The following DTWD2 variants were observed in gnomAD, a reference collection of about 807,000 sequenced individuals.
DTWD2 encodes DTW motif tRNA-uridine aminocarboxypropyltransferase 2.
Under a neutral mutation model 31.8 loss-of-function variants are expected in DTWD2, and 39 were observed. The ratio of observed to expected loss-of-function variants is 1.22; its 90% confidence interval spans 0.95 to 1.60. The LOEUF is 1.60. Ranked by LOEUF, DTWD2 falls within the 40% of genes most tolerant of loss-of-function variation. DTWD2 has a pLI of 0.00. For synonymous variants in DTWD2, 180 were observed against 142.8 expected, an observed-to-expected ratio of 1.26 and a Z score of -1.86; for missense variants, 515 against 381.5, an observed-to-expected ratio of 1.35 and a Z score of -2.92.
intron 4 of DTWD2, among the ~76,000 whole-genome samples, chr5:118,864,430 T>C (rs1270291029): frequency 6.6e-6 from 1 of 150,832 alleles, no homozygotes; most frequent in Non-Finnish European, 1.5e-5. Context: ...TACCTAATGC[T>C]AAATGACGAG....
At chr5:118,986,516 T>G (rs1295117679) in intron 1 of DTWD2, among the ~76,000 whole-genome samples, 1 of 152,190 alleles carries the variant, frequency 6.6e-6, no homozygotes, top group Non-Finnish European at 1.5e-5. Context: ...GAATACAGTT[T>G]AAGTAAATAG....
chr5:118,965,728 C>T (rs1237087794), intron 1 of DTWD2, among the ~76,000 whole-genome samples: 2 of 151,996 alleles, frequency 1.3e-5, no homozygotes, highest in Admixed American at 6.6e-5. Context: ...TAAACAGATG[C>T]CTGAAGGCAG....
chr5:118,869,477 C>T (rs908262446), intron 4 of DTWD2, among the ~76,000 whole-genome samples: 3 of 152,104 alleles, frequency 2.0e-5, no homozygotes, highest in African/African-American at 7.2e-5. Flanking sequence ...ACCACCCATA[C>T]CCATACTAAA....
At chr5:118,885,788 T>A (rs150143087) in intron 4 of DTWD2, among the ~76,000 whole-genome samples, 5 of 150,214 alleles carry the variant, frequency 3.3e-5, no homozygotes, top group African/African-American at 1.2e-4. Context: ...ATAAAAATAA[T>A]AAAAAATAAA....
intron 1 of DTWD2, among the ~76,000 whole-genome samples, chr5:118,957,972 A>G (rs561445280): frequency 6.6e-5 from 10 of 152,330 alleles, no homozygotes; most frequent in Admixed American, 3.9e-4. Context: ...CTAATATACA[A>G]TAAGTGTGTG....
intron 2 of DTWD2, among the ~76,000 whole-genome samples, chr5:118,941,392 G>C (rs1754196629): frequency 6.6e-6 from 1 of 152,110 alleles, no homozygotes; most frequent in South Asian, 2.1e-4. Context: ...TGTTCTCATT[G>C]TTCAATTCCC....
At chr5:118,939,972 T>A (rs1456328320) in intron 2 of DTWD2, among the ~76,000 whole-genome samples, 2 of 152,162 alleles carry the variant, frequency 1.3e-5, no homozygotes, top group African/African-American at 4.8e-5. Context: ...TACAAAAGAA[T>A]TCCAAATAAT....
At chr5:118,846,045 AT>A (rs1751845563) in intron 5 of DTWD2, among the ~76,000 whole-genome samples, 1 of 152,104 alleles carries the variant, frequency 6.6e-6, no homozygotes, top group Non-Finnish European at 1.5e-5. Flanking sequence ...ATGTTATATC[AT>A]TTTTTCAAAA....
intron 4 of DTWD2, among the ~76,000 whole-genome samples, chr5:118,918,839 A>G (rs555201053): frequency 3.3e-5 from 5 of 152,128 alleles, no homozygotes; most frequent in Admixed American, 6.5e-5. Context: ...AAAAAAAAAA[A>G]AAAAGAAAAG....
intron 4 of DTWD2, among the ~76,000 whole-genome samples, chr5:118,870,384 T>C (rs1752476053): frequency 6.6e-6 from 1 of 152,174 alleles, no homozygotes; most frequent in Non-Finnish European, 1.5e-5. Flanking sequence ...GATTGGTTGG[T>C]TATTTCTTTG....
At chr5:118,891,557 ATGT>A (rs1320075006) in intron 4 of DTWD2, among the ~76,000 whole-genome samples, 2 of 152,202 alleles carry the variant, frequency 1.3e-5, no homozygotes, top group Non-Finnish European at 2.9e-5. Flanking sequence ...TCTCTGAATA[ATGT>A]ACTCCTCTGA....
intron 4 of DTWD2, among the ~76,000 whole-genome samples, chr5:118,892,818 A>AT (rs1375122694): frequency 2.0e-5 from 3 of 152,260 alleles, no homozygotes; most frequent in African/African-American, 7.2e-5. Flanking sequence ...ATGAAACAAC[A>AT]TATGTACAAA....
intron 4 of DTWD2, among the ~76,000 whole-genome samples, chr5:118,921,908 T>C (rs1753714324): frequency 6.6e-6 from 1 of 152,232 alleles, no homozygotes; most frequent in South Asian, 2.1e-4. Flanking sequence ...AACAGCTCTA[T>C]GTGGACACAA....
Position 118,848,098 on chromosome 5 carries a change from T to C in DTWD2, c.718A>G (p.Ile240Val), listed in dbSNP as rs1433238587. 9 of 1,572,332 alleles carry C rather than the reference T, an allele frequency of 5.7e-6. No individual in the cohort carries two copies. Among genetic ancestry groups the C allele is most frequent in the African/African-American group, 2.8e-5 (2 of 72,568 alleles). Residue 240 changes from isoleucine (I) to valine (V), a missense_variant, in exon 5 of 6, where the codon ATA becomes GTA. Transcript: ENST00000510708. ...ACCTTACAAAGACGTACCTCTTGTA[T>C]GTAATTATTTTTCTCCAAGATGGAA... is the stretch of plus-strand genomic sequence containing the variant. ...ALSILEKNNY[I>V]QETLLRPLQA...
intron 4 of DTWD2, among the ~76,000 whole-genome samples, chr5:118,920,451 T>C (rs1360193237): frequency 1.3e-5 from 2 of 152,156 alleles, no homozygotes; most frequent in African/African-American, 4.8e-5. Context: ...GGTAGGGAAG[T>C]ACAGGTGTGA....
At chr5:118,852,220 G>A (rs1476818718) in intron 4 of DTWD2, among the ~76,000 whole-genome samples, 1 of 152,088 alleles carries the variant, frequency 6.6e-6, no homozygotes, top group East Asian at 1.9e-4. Flanking sequence ...TAAAATCACT[G>A]TTATTCTGTT....
intron 2 of DTWD2, among the ~76,000 whole-genome samples, chr5:118,941,046 C>G (rs1754167356): frequency 6.6e-6 from 1 of 152,166 alleles, no homozygotes; most frequent in African/African-American, 2.4e-5. Context: ...AATGCTCCAT[C>G]ATATCACCTC....
chr5:118,907,529 G>A (rs574092184), intron 4 of DTWD2, among the ~76,000 whole-genome samples: 34 of 152,112 alleles, frequency 2.2e-4, no homozygotes, highest in African/African-American at 6.5e-4. Context: ...TCAGCAGTTC[G>A]AGACCAGCCT....
At chr5:118,866,257 A>G (rs1752378817) in intron 4 of DTWD2, among the ~76,000 whole-genome samples, 1 of 152,232 alleles carries the variant, frequency 6.6e-6, no homozygotes, top group Non-Finnish European at 1.5e-5. Flanking sequence ...AAATTTGTGA[A>G]AGTACCAAAG....
Sources: gnomAD v4.1 joint callset for allele counts (sites outside exome capture counted in the v4.1 genomes callset) on GRCh38, gnomAD v4.1.1 for gene constraint, MANE v1.5 for transcripts, NCBI Gene and HGNC (gene_info 2026-07-23, HGNC 2026-07-21) for gene names.